The following PATJ variants were observed in gnomAD, a reference collection of about 807,000 sequenced individuals.
PATJ encodes inaD-like protein.
PATJ carries 190 observed loss-of-function variants against 224.9 expected under a neutral mutation model. The observed-to-expected ratio is 0.84, with a 90% CI of 0.75 to 0.95. The LOEUF is 0.95. Ranked by LOEUF, PATJ falls within the 40% of genes least tolerant of loss-of-function variation. The probability of loss-of-function intolerance (pLI) is 0.00; values close to 1 mark genes in which losing one functional copy is unlikely to be tolerated. For synonymous variants in PATJ, 769 were observed against 820.3 expected (o/e 0.94, Z 1.07); for missense variants, 2,121 against 2,270.3 (o/e 0.93, Z 1.34).
At chr1:61,790,544 T>G (rs1649624459) in intron 8 of PATJ, among the ~76,000 whole-genome samples, 1 of 146,358 alleles carries the variant, frequency 6.8e-6, no homozygotes, top group African/African-American at 2.5e-5. Context: ...GACAGAGTCT[T>G]GCTCTGTTGC....
chr1:61,792,489 G>A (rs956946352), intron 9 of PATJ, among the ~76,000 whole-genome samples: 4 of 152,034 alleles, frequency 2.6e-5, no homozygotes, highest in African/African-American at 9.7e-5. Context: ...ACTGGATAAA[G>A]GAAAGTATCA....
At chr1:61,942,800 C>T (rs184557557) in intron 27 of PATJ, among the ~76,000 whole-genome samples, 10 of 152,286 alleles carry the variant, frequency 6.6e-5, no homozygotes, top group South Asian at 4.1e-4. Flanking sequence ...CCGCCTGCCT[C>T]AGCCTCCTAA....
chr1:61,819,938 C>T (rs1283442099), intron 14 of PATJ, among the ~76,000 whole-genome samples: 1 of 152,156 alleles, frequency 6.6e-6, no homozygotes, highest in Non-Finnish European at 1.5e-5. Flanking sequence ...TAAATCACTT[C>T]ATGAACATAG....
intron 17 of PATJ, among the ~76,000 whole-genome samples, chr1:61,840,836 T>G (rs1660973221): frequency 6.6e-6 from 1 of 152,074 alleles, no homozygotes; most frequent in African/African-American, 2.4e-5. Flanking sequence ...TTGGTACATA[T>G]TTACCAAATA....
intron 29 of PATJ, among the ~76,000 whole-genome samples, chr1:62,031,514 T>C (rs1237034334): frequency 6.6e-6 from 1 of 152,234 alleles, no homozygotes; most frequent in Non-Finnish European, 1.5e-5. Context: ...GTGAGCAGAC[T>C]TAGAACCTTG....
At chr1:62,118,991 AT>A (rs1408520286) in intron 37 of PATJ, among the ~76,000 whole-genome samples, 1 of 137,608 alleles carries the variant, frequency 7.3e-6, no homozygotes, top group Non-Finnish European at 1.5e-5. Flanking sequence ...TAGAAGCTAC[AT>A]CATTAAATAT....
intron 30 of PATJ, among the ~76,000 whole-genome samples, chr1:62,044,547 T>A (rs141372902): frequency 1.3e-3 from 191 of 152,354 alleles, no homozygotes; most frequent in Middle Eastern, 3.4e-3. Context: ...GGTTCCGACA[T>A]ACTTATTCCA....
intron 22 of PATJ, among the ~76,000 whole-genome samples, chr1:61,898,534 G>A (rs1670688142): frequency 6.6e-6 from 1 of 152,116 alleles, no homozygotes; most frequent in East Asian, 1.9e-4. Flanking sequence ...CACCACACCT[G>A]GCCAAGGGTT....
intron 27 of PATJ, among the ~76,000 whole-genome samples, chr1:61,938,797 T>TA (rs202101008): frequency 0.012 from 1,871 of 152,118 alleles, 41 homozygotes; most frequent in African/African-American, 0.042. Context: ...ATTTAGAGCA[T>TA]AAAAAAATTT....
In PATJ at chr1:61,875,224, T is replaced by C. The variant is rs756313572; in HGVS notation, c.2836-19T>C. The stretch of plus-strand genomic sequence containing the variant: ...TTTTCATAAAGTACTAATGCATTTC[T>C]ATTTTTCTTCCTCTCAAGATGAAAG... On this transcript the variant is annotated intron_variant, in intron 20 of 43. Transcript: ENST00000642238. 2 of 1,527,250 alleles carry C rather than the reference T, an allele frequency of 1.3e-6. No individual in the cohort carries two copies. The highest frequency in any genetic ancestry group is 1.8e-6 in the Non-Finnish European group (2 of 1,111,584). The allele number at this position is 1,527,250 out of a possible 1,614,324, so 94.6% of individuals were successfully genotyped here.
chr1:61,976,949 T>G (rs761364724), intron 27 of PATJ, among the ~76,000 whole-genome samples: 7 of 152,096 alleles, frequency 4.6e-5, no homozygotes, highest in Non-Finnish European at 7.3e-5. Context: ...ATAATACCAT[T>G]AATTTTCCTA....
chr1:61,988,179 A>T (rs960005645), intron 27 of PATJ, among the ~76,000 whole-genome samples: 3 of 152,216 alleles, frequency 2.0e-5, no homozygotes, highest in African/African-American at 7.2e-5. Flanking sequence ...AGCCTGGGTG[A>T]TAGAGCAAGA....
intron 14 of PATJ, among the ~76,000 whole-genome samples, chr1:61,810,743 T>TAAATAAACAAAC (rs1553166714): frequency 7.2e-6 from 1 of 138,592 alleles, no homozygotes; most frequent in African/African-American, 2.8e-5. Flanking sequence ...AATAAATAAA[T>TAAATAAACAAAC]AAACCCAGTC....
chr1:61,912,707 A>G (rs1672863322), intron 25 of PATJ, among the ~76,000 whole-genome samples: 10 of 98,220 alleles, frequency 1.0e-4, no homozygotes, highest in Non-Finnish European at 1.2e-4. Flanking sequence ...AGGGGAGGGG[A>G]AGGTAGAGAG....
intron 22 of PATJ, 152 bp downstream of exon 22, chr1:61,884,560 T>G (rs1167721184): frequency 3.3e-6 from 2 of 614,900 alleles, no homozygotes; most frequent in African/African-American, 3.8e-5. Context: ...ACAATTACTA[T>G]GAGAATTTCA....
chr1:61,998,058 TAATA>T (rs1366644585), intron 28 of PATJ, among the ~76,000 whole-genome samples: 1 of 135,796 alleles, frequency 7.4e-6, no homozygotes, highest in Non-Finnish European at 1.5e-5. Context: ...ATATTATATA[TAATA>T]AATATATATT....
intron 33 of PATJ, among the ~76,000 whole-genome samples, chr1:62,099,552 T>G (rs1175301967): frequency 4.0e-5 from 6 of 151,462 alleles, no homozygotes; most frequent in African/African-American, 1.2e-4. Context: ...GTGTAGGGAG[T>G]GCAGGTAGGG....
intron 32 of PATJ, among the ~76,000 whole-genome samples, chr1:62,079,982 T>C (rs1658996155): frequency 6.6e-6 from 1 of 150,836 alleles, no homozygotes; most frequent in Non-Finnish European, 1.5e-5. Flanking sequence ...AAGCTGAGAT[T>C]GCACCACTGC....
Position 62,153,361 on chromosome 1 carries a change from A to T in PATJ, c.5382A>T (p.Thr1794=). The T allele has an allele frequency of 8.1e-7, 1 of 1,231,332 alleles. No homozygotes were observed. The highest frequency in any genetic ancestry group is 1.0e-6 in the Non-Finnish European group (1 of 987,314). The allele number at this position is 1,231,332 out of a possible 1,614,324, so 76.3% of individuals were successfully genotyped here. ...ACAGCATGCATTGTGTTTTCAGAAC[A>T]CCTCCACCTAAGATTATTACTTTGG... The part of the protein sequence containing the change: ...TAEHHPEDTE[T]PPPKIITLEK... Residue 1794 remains threonine, a synonymous_variant, in exon 43 of 44, where the codon ACA becomes ACT. Transcript: ENST00000642238.
Sources: allele counts gnomAD v4.1 joint callset (sites outside exome capture counted in the v4.1 genomes callset), GRCh38; gene constraint gnomAD v4.1.1; transcripts MANE v1.5; gene names NCBI Gene and HGNC (gene_info 2026-07-23, HGNC 2026-07-21).